CIMIP7: variants seen among roughly 807,000 people sequenced by gnomAD.
CIMIP7 encodes the protein uncharacterized protein C3orf84.
the CIMIP7 span, chr3:49,177,759 C>T: frequency 3.0e-5 from 49 of 1,609,338 alleles, no homozygotes; most frequent in Non-Finnish European, 3.8e-5. Flanking sequence ...CAGTGACCGG[C>T]GCCTGGGGCC....
At chr3:49,186,978 A>T in the CIMIP7 span, among the ~76,000 whole-genome samples, 1 of 152,206 alleles carries the variant, frequency 6.6e-6, no homozygotes, top group Admixed American at 6.5e-5. Context: ...AGTCTGGGGC[A>T]AGTTTCAATT....
the CIMIP7 span, among the ~76,000 whole-genome samples, chr3:49,187,045 G>T: frequency 2.0e-5 from 3 of 152,194 alleles, no homozygotes; most frequent in Non-Finnish European, 4.4e-5. Context: ...CTTAGCCCTA[G>T]AATGTACATG....
At chr3:49,185,999 C>CTT in the CIMIP7 span, among the ~76,000 whole-genome samples, 11 of 129,208 alleles carry the variant, frequency 8.5e-5, no homozygotes, top group Admixed American at 4.8e-4. Flanking sequence ...TTTTATAGCT[C>CTT]TTTTTTTTTT....
the CIMIP7 span, among the ~76,000 whole-genome samples, chr3:49,188,964 A>G: frequency 8.1e-6 from 1 of 124,038 alleles, no homozygotes; most frequent in Non-Finnish European, 1.8e-5. Context: ...ATGCCCGGTT[A>G]TTTTTTTTTT....
the CIMIP7 span, among the ~76,000 whole-genome samples, chr3:49,184,794 A>C: frequency 6.6e-6 from 1 of 150,534 alleles, no homozygotes; most frequent in South Asian, 2.1e-4. Flanking sequence ...AACCTCAGCA[A>C]ATTTTTTGTA....
At chr3:49,178,189 G>A in the CIMIP7 span, 1 of 811,436 alleles carries the variant, frequency 1.2e-6, no homozygotes, top group Non-Finnish European at 1.9e-6. Context: ...TCCTTGGCCT[G>A]CCTCCCCAGT....
the CIMIP7 span, chr3:49,178,146 C>A: frequency 8.3e-7 from 1 of 1,204,186 alleles, no homozygotes; most frequent in Non-Finnish European, 1.1e-6. Context: ...GATACCTGTC[C>A]TATGCCTGGC....
chr3:49,182,969 C>T, the CIMIP7 span, among the ~76,000 whole-genome samples: 592 of 152,290 alleles, frequency 3.9e-3, 4 homozygotes, highest in African/African-American at 0.014. Flanking sequence ...AAGTACAGCG[C>T]GCAGCCCCAG....
chr3:49,179,136 T>G, the CIMIP7 span, among the ~76,000 whole-genome samples: 14 of 152,296 alleles, frequency 9.2e-5, no homozygotes, highest in East Asian at 2.5e-3. Context: ...AGCCAGATCC[T>G]GTCAAACACC....
chr3:49,187,790 T>C, the CIMIP7 span, among the ~76,000 whole-genome samples: 1 of 152,200 alleles, frequency 6.6e-6, no homozygotes, highest in Non-Finnish European at 1.5e-5. Context: ...ATGTGCAACT[T>C]CTCTGAGCAG....
the CIMIP7 span, among the ~76,000 whole-genome samples, chr3:49,183,293 G>A: frequency 6.6e-6 from 1 of 152,356 alleles, no homozygotes; most frequent in South Asian, 2.1e-4. Context: ...TCAGGTATTG[G>A]TGAGAATGCA....
At chr3:49,177,932 C>A in the CIMIP7 span, 1 of 1,613,790 alleles carries the variant, frequency 6.2e-7, no homozygotes, top group Non-Finnish European at 8.5e-7. Context: ...TAAGAAGATT[C>A]CAGGGGCCCC....
At chr3:49,178,000 A>G in the CIMIP7 span, 1 of 1,612,228 alleles carries the variant, frequency 6.2e-7, no homozygotes, top group Non-Finnish European at 8.5e-7. Context: ...CCGCTGCCAC[A>G]GGCGCTCCAG....
chr3:49,179,351 C>T, the CIMIP7 span, among the ~76,000 whole-genome samples: 1 of 152,210 alleles, frequency 6.6e-6, no homozygotes, highest in African/African-American at 2.4e-5. Context: ...CCCCTCCAGT[C>T]TGCTGTCTGC....
chr3:49,190,173 C>T, the CIMIP7 span: 2 of 1,467,312 alleles, frequency 1.4e-6, no homozygotes, highest in East Asian at 2.3e-5. Context: ...AAAACTCACT[C>T]AAATCTCCAC....
the CIMIP7 span, among the ~76,000 whole-genome samples, chr3:49,181,346 A>G: frequency 7.6e-4 from 7 of 9,162 alleles, no homozygotes; most frequent in South Asian, 0.077. Context: ...TCTCCAAGAA[A>G]AAAAAAAAAA....
the CIMIP7 span, among the ~76,000 whole-genome samples, chr3:49,181,821 C>T: frequency 2.0e-5 from 3 of 152,208 alleles, no homozygotes; most frequent in Non-Finnish European, 4.4e-5. Context: ...GTGGGTTCTT[C>T]GTCTCACTGA....
At chr3:49,177,878 G>A in the CIMIP7 span, 7 of 1,613,740 alleles carry the variant, frequency 4.3e-6, no homozygotes, top group African/African-American at 8.0e-5. Flanking sequence ...ATGAGGTGCT[G>A]GGGGAGGCCA....
At chr3:49,188,901 G>A in the CIMIP7 span, among the ~76,000 whole-genome samples, 15 of 151,792 alleles carry the variant, frequency 9.9e-5, no homozygotes, top group African/African-American at 3.4e-4. Flanking sequence ...AGGTTCAAGC[G>A]ATTCTGCCTA....
Sources: gnomAD v4.1 joint callset for allele counts (sites outside exome capture counted in the v4.1 genomes callset) on GRCh38, gnomAD v4.1.1 for gene constraint, MANE v1.5 for transcripts, NCBI Gene and HGNC (gene_info 2026-07-23, HGNC 2026-07-21) for gene names.